MAGI2: variants seen among roughly 807,000 people sequenced by gnomAD.
The protein encoded by MAGI2 is membrane-associated guanylate kinase, WW and PDZ domain-containing protein 2.
Under a neutral mutation model 133.3 loss-of-function variants are expected in MAGI2, and 35 were observed. The observed-to-expected ratio is 0.26, with a 90% CI of 0.20 to 0.35. The LOEUF (loss-of-function observed/expected upper bound fraction) is 0.35. Among genes scored for constraint, MAGI2 ranks in the 10% least tolerant of loss-of-function variants. The probability of loss-of-function intolerance (pLI) is 1.00; values close to 1 mark genes in which losing one functional copy is unlikely to be tolerated. For missense variants in MAGI2, 1,636 were observed against 1,863.4 expected, an observed-to-expected ratio of 0.88 and a Z score of 2.25; for synonymous variants, 729 against 710.6, an observed-to-expected ratio of 1.03 and a Z score of -0.41.
chr7:78,931,636 T>C (rs1800131251), intron 2 of MAGI2, among the ~76,000 whole-genome samples: 1 of 152,084 alleles, frequency 6.6e-6, no homozygotes, highest in Non-Finnish European at 1.5e-5. Flanking sequence ...TAGCCTATCC[T>C]ATTGATAAGG....
chr7:79,119,686 C>T (rs192730298), intron 1 of MAGI2, among the ~76,000 whole-genome samples: 97 of 152,178 alleles, frequency 6.4e-4, no homozygotes, highest in Non-Finnish European at 1.2e-3. Context: ...TCAATCCCAA[C>T]GCTCATCCCT....
At chr7:78,057,991 ATATATATATATATG>A (rs1308487932) in intron 21 of MAGI2, among the ~76,000 whole-genome samples, 1 of 30,458 alleles carries the variant, frequency 3.3e-5, no homozygotes, top group Non-Finnish European at 5.7e-5. Flanking sequence ...ATATATATAT[ATATATATATATATG>A]TATGAGAAAC....
At chr7:78,727,814 T>G in intron 2 of MAGI2, among the ~76,000 whole-genome samples, 1 of 152,194 alleles carries the variant, frequency 6.6e-6, no homozygotes, top group East Asian at 1.9e-4. Flanking sequence ...ATTTTACACT[T>G]ACTTATCAAG....
At chr7:78,827,883 C>T (rs377238285) in intron 2 of MAGI2, among the ~76,000 whole-genome samples, 13 of 152,066 alleles carry the variant, frequency 8.5e-5, no homozygotes, top group African/African-American at 3.1e-4. Flanking sequence ...CTCCCCACCT[C>T]TTATTTTATT....
At chr7:78,498,230 A>G (rs1260077629) in intron 5 of MAGI2, among the ~76,000 whole-genome samples, 1 of 152,164 alleles carries the variant, frequency 6.6e-6, no homozygotes, top group Non-Finnish European at 1.5e-5. Flanking sequence ...ACATATTTCT[A>G]CTTTCCCTTT....
At chr7:78,056,358 T>G (rs1374804088) in intron 21 of MAGI2, among the ~76,000 whole-genome samples, 1 of 152,174 alleles carries the variant, frequency 6.6e-6, no homozygotes, top group East Asian at 1.9e-4. Flanking sequence ...ATTATAAAGA[T>G]ATATGGATGC....
At chr7:79,136,003 G>GAAAGAAAGAAAGAAAGAAAGAAAGAGAA (rs749343638) in intron 1 of MAGI2, among the ~76,000 whole-genome samples, 7 of 40,918 alleles carry the variant, frequency 1.7e-4, no homozygotes, top group African/African-American at 2.7e-4. Flanking sequence ...AAGAAAGAAA[G>GAAAGAAAGAAAGAAAGAAAGAAAGAGAA]AGAAAGAAAG....
chr7:78,141,732 C>G (rs7798012), intron 16 of MAGI2, among the ~76,000 whole-genome samples: 2,654 of 152,220 alleles, frequency 0.017, 82 homozygotes, highest in African/African-American at 0.06. Flanking sequence ...ATGAGTCATT[C>G]TCTTGTGGTT....
chr7:79,351,175 A>G (rs1037844857), intron 1 of MAGI2, among the ~76,000 whole-genome samples: 2 of 152,108 alleles, frequency 1.3e-5, no homozygotes, highest in Non-Finnish European at 2.9e-5. Flanking sequence ...AACGTTAAAG[A>G]ATGATTTTAC....
At chr7:79,278,039 A>G (rs1046065481) in intron 1 of MAGI2, among the ~76,000 whole-genome samples, 30 of 152,108 alleles carry the variant, frequency 2.0e-4, no homozygotes, top group African/African-American at 6.0e-4. Context: ...TCCAAATCTC[A>G]TGCTGAAATG....
chr7:78,062,176 C>T (rs996856493), intron 21 of MAGI2, among the ~76,000 whole-genome samples: 1 of 152,244 alleles, frequency 6.6e-6, no homozygotes, highest in Non-Finnish European at 1.5e-5. Flanking sequence ...CTGACCACCT[C>T]TGCCTCTGAA....
intron 1 of MAGI2, among the ~76,000 whole-genome samples, chr7:79,191,842 T>C (rs1055055482): frequency 1.3e-5 from 2 of 151,790 alleles, no homozygotes; most frequent in Non-Finnish European, 2.9e-5. Flanking sequence ...CTTATTAAAT[T>C]ACCTTTTTTT....
chr7:78,582,962 C>T (rs1031354302), intron 3 of MAGI2, among the ~76,000 whole-genome samples: 23 of 152,280 alleles, frequency 1.5e-4, no homozygotes, highest in African/African-American at 4.3e-4. Flanking sequence ...TTTTCAACAG[C>T]TACCCCTAAA....
At position 79,415,533 on chromosome 7, in the gene MAGI2, A is replaced by G. The variant is rs574421383; in HGVS notation, c.301+37487T>C. 5 of 152,244 alleles carry G rather than the reference A, an allele frequency of 3.3e-5. 1 individual carries two copies. In the South Asian group the frequency reaches 1.0e-3, roughly 32 times the overall value. The allele number at this position is 152,244 out of a possible 1,614,324, so 9.4% of individuals were successfully genotyped here. On this transcript the variant is annotated intron_variant, in intron 1 of 21. Coordinates refer to ENST00000354212, the MANE Select transcript of MAGI2 (RefSeq NM_012301.4). Reference sequence around the variant, plus strand: ...TAGAATGATAAGAAAGTCCCAACAGAAAGTATTTCTGGGAAGACAAGGGCT... The same window carrying G: ...TAGAATGATAAGAAAGTCCCAACAGGAAGTATTTCTGGGAAGACAAGGGCT...
rs1056031567 is a variant in MAGI2, at chr7:78,017,424, A to G, written c.*1891T>C. On this transcript the variant is annotated 3_prime_UTR_variant, in exon 22 of 22. Transcript: ENST00000354212. ...AATCTCAATTTTTTTTTCCTTTTGT[A>G]ATACATGGAAAATAAAGTCAGAGGA... The G allele has an allele frequency of 1.3e-5, 2 of 152,452 alleles. No homozygotes were observed. Among genetic ancestry groups the G allele is most frequent in the Non-Finnish European group, 2.9e-5 (2 of 68,010 alleles). 9.4% of individuals were successfully genotyped at this position (152,452 alleles called of 1,614,324 possible).
At chr7:78,148,919 T>G (rs1342732099) in intron 16 of MAGI2, among the ~76,000 whole-genome samples, 1 of 152,012 alleles carries the variant, frequency 6.6e-6, no homozygotes, top group Non-Finnish European at 1.5e-5. Flanking sequence ...GGCAGCTAAG[T>G]GAGATCATCA....
At chr7:78,911,661 T>A (rs1454787240) in intron 2 of MAGI2, among the ~76,000 whole-genome samples, 2 of 99,646 alleles carry the variant, frequency 2.0e-5, no homozygotes, top group East Asian at 1.1e-3. Context: ...AAAAATTATG[T>A]GTGTATATAT....
intron 2 of MAGI2, among the ~76,000 whole-genome samples, chr7:78,764,767 G>T (rs898585782): frequency 6.6e-6 from 1 of 152,190 alleles, no homozygotes; most frequent in Non-Finnish European, 1.5e-5. Context: ...ACCGAAAATA[G>T]CTTCCTACAG....
chr7:78,313,931 C>T (rs1396203959), intron 9 of MAGI2, among the ~76,000 whole-genome samples: 2 of 151,988 alleles, frequency 1.3e-5, no homozygotes, highest in African/African-American at 4.8e-5. Flanking sequence ...TATGGGTGCC[C>T]TGGGGACTTA....
Sources: gnomAD v4.1 joint callset for allele counts (sites outside exome capture counted in the v4.1 genomes callset) on GRCh38, gnomAD v4.1.1 for gene constraint, MANE v1.5 for transcripts, NCBI Gene and HGNC (gene_info 2026-07-23, HGNC 2026-07-21) for gene names.